CA10: variants seen among roughly 807,000 people sequenced by gnomAD.
CA10 encodes the protein carbonic anhydrase 10 (inactive).
CA10 carries 14 observed loss-of-function variants against 44.2 expected under a neutral mutation model. That is an observed-to-expected ratio of 0.32 (90% CI 0.21 to 0.50). The LOEUF is 0.50. Ranked by LOEUF, CA10 falls within the 20% of genes least tolerant of loss-of-function variation. The pLI, the probability that CA10 is intolerant of heterozygous loss-of-function variation, is 0.99. For synonymous variants in CA10, 159 were observed against 141.6 expected, an observed-to-expected ratio of 1.12 and a Z score of -0.87; for missense variants, 350 against 409.7, an observed-to-expected ratio of 0.85 and a Z score of 1.26.
chr17:51,758,315 C>T (rs967466865), intron 3 of CA10, among the ~76,000 whole-genome samples: 3 of 152,198 alleles, frequency 2.0e-5, no homozygotes, highest in African/African-American at 7.2e-5. Flanking sequence ...TTTATTTGCA[C>T]ACTCTGCAGG....
intron 1 of CA10, among the ~76,000 whole-genome samples, chr17:52,073,855 A>G (rs1987748615): frequency 6.6e-6 from 1 of 152,206 alleles, no homozygotes; most frequent in Non-Finnish European, 1.5e-5. Context: ...GTCAGGCGGA[A>G]GATTCAACTG....
At chr17:51,887,283 G>A (rs1047898512) in intron 3 of CA10, among the ~76,000 whole-genome samples, 1 of 152,090 alleles carries the variant, frequency 6.6e-6, no homozygotes, top group African/African-American at 2.4e-5. Context: ...TTAAAGAATA[G>A]ACACGCAGAA....
At chr17:51,935,013 A>G (rs1273865547) in intron 2 of CA10, among the ~76,000 whole-genome samples, 1 of 152,094 alleles carries the variant, frequency 6.6e-6, no homozygotes, top group African/African-American at 2.4e-5. Flanking sequence ...CAGAGCAAGG[A>G]TGGGCGTATG....
At chr17:52,026,566 T>C (rs183679603) in intron 2 of CA10, among the ~76,000 whole-genome samples, 502 of 152,206 alleles carry the variant, frequency 3.3e-3, no homozygotes, top group Non-Finnish European at 5.0e-3. Flanking sequence ...GAGGTTTCAT[T>C]GAGTCATAGT....
chr17:51,837,100 A>G (rs1034718627), intron 3 of CA10, among the ~76,000 whole-genome samples: 13 of 151,962 alleles, frequency 8.6e-5, no homozygotes, highest in African/African-American at 3.1e-4. Context: ...ACACACACAC[A>G]CACAAACACA....
intron 3 of CA10, among the ~76,000 whole-genome samples, chr17:51,785,222 A>G (rs1304888626): frequency 1.3e-5 from 2 of 152,212 alleles, no homozygotes; most frequent in Non-Finnish European, 2.9e-5. Flanking sequence ...TTGTGAACAG[A>G]GCTGTTACAA....
At chr17:51,976,256 A>G (rs528358512) in intron 2 of CA10, among the ~76,000 whole-genome samples, 42 of 152,324 alleles carry the variant, frequency 2.8e-4, no homozygotes, top group African/African-American at 9.9e-4. Flanking sequence ...GAAATGAACA[A>G]AAGTCTGTAA....
chr17:51,637,632 A>C (rs1301831866), intron 6 of CA10, among the ~76,000 whole-genome samples: 1 of 152,230 alleles, frequency 6.6e-6, no homozygotes, highest in Non-Finnish European at 1.5e-5. Context: ...TATATGGTAA[A>C]GGAAGACTTT....
intron 6 of CA10, among the ~76,000 whole-genome samples, chr17:51,638,116 A>G (rs185613634): frequency 6.6e-6 from 1 of 152,224 alleles, no homozygotes; most frequent in Non-Finnish European, 1.5e-5. Context: ...CTCCAATAAG[A>G]AAGAGTTACC....
chr17:52,063,391 G>C (rs1598194758), intron 2 of CA10, among the ~76,000 whole-genome samples: 1 of 152,152 alleles, frequency 6.6e-6, no homozygotes, highest in African/African-American at 2.4e-5. Flanking sequence ...AAGGATGTGA[G>C]GCATGGAGAG....
intron 2 of CA10, among the ~76,000 whole-genome samples, chr17:52,000,524 G>A (rs138842193): frequency 2.9e-4 from 44 of 152,092 alleles, no homozygotes; most frequent in African/African-American, 9.2e-4. Flanking sequence ...TTTGACTTTC[G>A]CTAGCTCTCT....
chr17:51,840,079 T>A (rs753968361), intron 3 of CA10, among the ~76,000 whole-genome samples: 5 of 152,224 alleles, frequency 3.3e-5, no homozygotes, highest in Non-Finnish European at 1.5e-5. Flanking sequence ...ATTTGAATAT[T>A]GGGTCCATAA....
At chr17:51,872,177 A>T (rs1042772316) in intron 3 of CA10, among the ~76,000 whole-genome samples, 1 of 152,242 alleles carries the variant, frequency 6.6e-6, no homozygotes, top group Admixed American at 6.5e-5. Flanking sequence ...CTGTGCTCCC[A>T]TAAGTCTCTG....
intron 3 of CA10, among the ~76,000 whole-genome samples, chr17:51,797,345 C>T (rs775524161): frequency 9.8e-5 from 15 of 152,354 alleles, no homozygotes; most frequent in East Asian, 1.9e-4. Context: ...CAGGCGCATG[C>T]GCGCGCACGC....
intron 1 of CA10, among the ~76,000 whole-genome samples, chr17:52,123,395 T>TGTGTGA (rs1555568613): frequency 2.0e-5 from 3 of 151,324 alleles, no homozygotes; most frequent in Non-Finnish European, 3.0e-5. Flanking sequence ...TGTGTGTGTG[T>TGTGTGA]GACGTTTTCA....
intron 2 of CA10, among the ~76,000 whole-genome samples, chr17:52,004,897 G>C (rs376961582): frequency 2.0e-5 from 3 of 151,834 alleles, no homozygotes; most frequent in Non-Finnish European, 4.4e-5. Context: ...TTTAGCCTCT[G>C]AAGAAATTTG....
chr17:51,662,261 C>T (rs1034708945), intron 4 of CA10, among the ~76,000 whole-genome samples: 13 of 152,158 alleles, frequency 8.5e-5, no homozygotes, highest in Non-Finnish European at 1.3e-4. Flanking sequence ...ACGTATAGGT[C>T]CCAAATGCCC....
intron 1 of CA10, among the ~76,000 whole-genome samples, chr17:52,129,911 T>C (rs1302463549): frequency 6.6e-6 from 1 of 152,148 alleles, no homozygotes; most frequent in Admixed American, 6.5e-5. Flanking sequence ...AAACCAGATA[T>C]TTGATAAGGG....
At chr17:51,656,436 C>T (rs1300454595) in intron 4 of CA10, among the ~76,000 whole-genome samples, 1 of 152,130 alleles carries the variant, frequency 6.6e-6, no homozygotes, top group African/African-American at 2.4e-5. Flanking sequence ...AGTCATGCCT[C>T]CTCTCTGTTC....
Sources: gnomAD v4.1 joint callset for allele counts (sites outside exome capture counted in the v4.1 genomes callset) on GRCh38, gnomAD v4.1.1 for gene constraint, MANE v1.5 for transcripts, NCBI Gene and HGNC (gene_info 2026-07-23, HGNC 2026-07-21) for gene names.